Variants in ZNF860 observed in about 807,000 individuals in gnomAD.
The protein encoded by ZNF860 is zinc finger protein 860.
For missense variants in ZNF860, 641 were observed against 759.2 expected (o/e 0.84, Z 1.83); for synonymous variants, 206 against 248.9 (o/e 0.83, Z 1.62).
chr3:31,990,943 T>C lies in ZNF860; in HGVS notation c.1864T>C (p.Tyr622His), dbSNP rs763938137. 4 of 1,575,982 alleles carry C rather than the reference T, an allele frequency of 2.5e-6. No homozygotes were observed. The highest frequency in any genetic ancestry group is 3.4e-6 in the Non-Finnish European group (4 of 1,159,580). Residue 622 changes from tyrosine (Y) to histidine (H), a missense_variant, in exon 2 of 2, where the codon TAC becomes CAC. Coordinates refer to ENST00000360311, the MANE Select transcript of ZNF860 (RefSeq NM_001137674.3). Reference protein sequence around the residue: ...HQRIHTGQKSYKCHKRGKVFS With the variant: ...HQRIHTGQKSHKCHKRGKVFS ...GAGAATCCATACCGGACAGAAATCTTACAAATGTCATAAGCGTGGCAAGGT... is the reference window on the plus strand; with the variant it reads ...GAGAATCCATACCGGACAGAAATCTCACAAATGTCATAAGCGTGGCAAGGT...
the ZNF860 span, among the ~76,000 whole-genome samples, chr3:32,002,155 C>CTCAT: frequency 2.6e-5 from 4 of 152,188 alleles, no homozygotes; most frequent in African/African-American, 9.7e-5. Context: ...CATTCATTTA[C>CTCAT]TCATTCATTC....
At chr3:31,997,070 C>A in the ZNF860 span, among the ~76,000 whole-genome samples, 5 of 152,128 alleles carry the variant, frequency 3.3e-5, no homozygotes, top group Admixed American at 1.3e-4. Flanking sequence ...TGCTTTCTGA[C>A]AAGACACATT....
downstream of ZNF860, among the ~76,000 whole-genome samples, chr3:31,995,360 T>C (rs1199767884): frequency 6.6e-6 from 1 of 152,172 alleles, no homozygotes; most frequent in Non-Finnish European, 1.5e-5. Context: ...ATTCTTTCCC[T>C]AGGGTCTTAA....
the ZNF860 span, among the ~76,000 whole-genome samples, chr3:31,999,378 T>TC: frequency 6.7e-6 from 1 of 149,054 alleles, no homozygotes; most frequent in African/African-American, 2.5e-5. Flanking sequence ...TTTTTTTTTT[T>TC]GAGACAAGGT....
At chr3:31,998,077 G>A in the ZNF860 span, among the ~76,000 whole-genome samples, 4,630 of 152,216 alleles carry the variant, frequency 0.03, 148 homozygotes, top group African/African-American at 0.079. Flanking sequence ...GTGAGCAGCC[G>A]TGCCCAGCTA....
At chr3:32,000,397 T>G in the ZNF860 span, among the ~76,000 whole-genome samples, 1 of 152,176 alleles carries the variant, frequency 6.6e-6, no homozygotes, top group African/African-American at 2.4e-5. Context: ...ACTTCATAGC[T>G]ATATGACCTC....
the ZNF860 span, among the ~76,000 whole-genome samples, chr3:31,999,058 A>G: frequency 6.6e-6 from 1 of 152,226 alleles, no homozygotes; most frequent in African/African-American, 2.4e-5. Flanking sequence ...AGACAGTAAT[A>G]ATCTCCTGAA....
chr3:31,983,098 A>G (rs770507567), intron 1 of ZNF860, among the ~76,000 whole-genome samples: 2 of 152,236 alleles, frequency 1.3e-5, no homozygotes, highest in Admixed American at 6.5e-5. Flanking sequence ...AGTGTTGGCC[A>G]TGTAACATGC....
At chr3:31,984,068 C>T (rs1698900161) in intron 1 of ZNF860, among the ~76,000 whole-genome samples, 1 of 151,880 alleles carries the variant, frequency 6.6e-6, no homozygotes, top group Non-Finnish European at 1.5e-5. Flanking sequence ...ACTGGAGTCT[C>T]GCTCTGTCAC....
At position 31,990,223 on chromosome 3, in the gene ZNF860, C is replaced by A; in HGVS notation, c.1144C>A (p.Gln382Lys). Residue 382 changes from glutamine (Q) to lysine (K), a missense_variant, in exon 2 of 2, where the codon CAG (glutamine) becomes AAG (lysine). Physicochemically the swap from Gln to Lys is moderately conservative, Grantham distance 53 (BLOSUM62 1). Transcript: ENST00000360311. ...TGAGTGTGGCAAAGCCTTTAGTGGG[C>A]AGTCAACACTTATTCACCATCAAGC... ...CNECGKAFSGQSTLIHHQAIH... is the reference protein window; with the variant it reads ...CNECGKAFSGKSTLIHHQAIH... 6.2e-7 allele frequency: 1 copy of A among 1,612,994 alleles called. No individual in the cohort carries two copies. The highest frequency in any genetic ancestry group is 8.5e-7 in the Non-Finnish European group (1 of 1,179,662).
Position 31,981,790 on chromosome 3 carries a change from C to T in ZNF860, c.-533C>T, listed in dbSNP as rs1698852930. On this transcript the variant is annotated 5_prime_UTR_variant, in exon 1 of 2. The change creates a premature stop within an existing upstream ORF in the 5' untranslated region. Coordinates refer to ENST00000360311, the MANE Select transcript of ZNF860 (RefSeq NM_001137674.3). This position sits in a 1 kb window ranked among gnomAD's most constrained non-coding sequence, Gnocchi z 4.5. ...CGGTCTTCCGCACACGATGCTGCGC[C>T]AGACGCTCCTACACAGTAACCTGGA... The T allele has an allele frequency of 2.0e-5, 3 of 152,320 alleles. No homozygotes were observed. Among genetic ancestry groups the T allele is most frequent in the African/African-American group, 7.2e-5 (3 of 41,456 alleles). The allele number at this position is 152,320 out of a possible 1,614,324, so 9.4% of individuals were successfully genotyped here.
downstream of ZNF860, among the ~76,000 whole-genome samples, chr3:31,992,219 T>TA (rs766602237): frequency 1.3e-5 from 2 of 151,914 alleles, no homozygotes; most frequent in Non-Finnish European, 2.9e-5. Context: ...TGGAACAGAA[T>TA]AAATAATCTA....
chr3:31,989,211 G>T lies in ZNF860; in HGVS notation c.132G>T (p.Thr44=). Residue 44 remains threonine, a synonymous_variant, in exon 2 of 2, where the codon ACG becomes ACT. Transcript: ENST00000360311. ...AGGAGTGGAAATGCCTGGACCCTAC[G>T]CAGAGGGCTTTATACAGGGCCATGA... ...SLEEWKCLDP[T]QRALYRAMML... The T allele has an allele frequency of 6.2e-7, 1 of 1,614,128 alleles. No homozygotes were observed. Among genetic ancestry groups the T allele is most frequent in the Non-Finnish European group, 8.5e-7 (1 of 1,180,020 alleles).
At position 31,988,855 on chromosome 3, in the gene ZNF860, T is replaced by A. The variant is rs906730724; in HGVS notation, c.-225T>A. The A allele has an allele frequency of 3.4e-6, 2 of 596,028 alleles. No individual in the cohort carries two copies. Among genetic ancestry groups the A allele is most frequent in the African/African-American group, 3.7e-5 (2 of 53,784 alleles). 36.9% of individuals were successfully genotyped at this position (596,028 alleles called of 1,614,324 possible). A position where few individuals can be genotyped will look rare whatever the true frequency, so the allele number is the denominator to read the frequency against. The stretch of plus-strand genomic sequence containing the variant: ...TCAAGCCTTGAGATGACTGCAGCCA[T>A]GACCCACAGCTTGACTACAACCCAG... On this transcript the variant is annotated 5_prime_UTR_variant, in exon 2 of 2. The change abolishes an upstream ATG in the 5' untranslated region. Transcript: ENST00000360311.
the ZNF860 span, among the ~76,000 whole-genome samples, chr3:32,005,916 TTTTACTTTATTTA>T: frequency 6.6e-6 from 1 of 151,686 alleles, no homozygotes; most frequent in Non-Finnish European, 1.5e-5. Flanking sequence ...TGGTGTCTTG[TTTTACTTTATTTA>T]TTTATTTTAT....
chr3:31,997,318 G>T, the ZNF860 span, among the ~76,000 whole-genome samples: 4 of 151,526 alleles, frequency 2.6e-5, no homozygotes, highest in African/African-American at 9.7e-5. Context: ...AGGCTGGAGT[G>T]CAGTGGTGCG....
At chr3:31,983,201 G>A (rs541574573) in intron 1 of ZNF860, among the ~76,000 whole-genome samples, 1 of 152,316 alleles carries the variant, frequency 6.6e-6, no homozygotes, top group Admixed American at 6.5e-5. Context: ...ATATATGAGT[G>A]TTCATTGAGT....
chr3:31,996,971 G>A, the ZNF860 span, among the ~76,000 whole-genome samples: 1 of 152,098 alleles, frequency 6.6e-6, no homozygotes, highest in Non-Finnish European at 1.5e-5. Context: ...AGAAGCCAGA[G>A]GAAAGGAAAT....
In ZNF860 at chr3:31,989,167, G is replaced by A. The variant is rs191554699; in HGVS notation, c.88G>A (p.Ala30Thr). 514 of 1,614,166 alleles carry A rather than the reference G, an allele frequency of 3.2e-4. 1 individual carries two copies. Among genetic ancestry groups the A allele is most frequent in the Middle Eastern group, 2.6e-3 (16 of 6,062 alleles). The change falls in exon 2 of 2, where the codon GCT (alanine) becomes ACT (threonine). Residue 30 changes from alanine (A) to threonine (T), a missense_variant. By Grantham distance (58) the Ala-to-Thr change is moderately conservative. Transcript: ENST00000360311. ...PQGHLTFRDV[A>T]IEFSLEEWKC... ...GGGACACTTGACTTTTAGGGATGTG[G>A]CTATAGAATTCTCTTTGGAGGAGTG...
Sources: gnomAD v4.1 joint callset for allele counts (sites outside exome capture counted in the v4.1 genomes callset) on GRCh38, gnomAD v4.1.1 for gene constraint, Gnocchi (gnomAD v3.1) non-coding constraint, MANE v1.5 for transcripts, NCBI Gene and HGNC (gene_info 2026-07-23, HGNC 2026-07-21) for gene names.